The following BRAF variants were observed in gnomAD, a reference collection of about 807,000 sequenced individuals.
The protein encoded by BRAF is serine/threonine-protein kinase B-raf.
BRAF carries 16 observed loss-of-function variants against 104.6 expected under a neutral mutation model. The observed-to-expected ratio is 0.15, with a 90% confidence interval of 0.10 to 0.23. BRAF has a LOEUF of 0.23. Among genes scored for constraint, BRAF ranks in the 10% least tolerant of loss-of-function variants. The probability of loss-of-function intolerance (pLI) is 1.00; values close to 1 mark genes in which losing one functional copy is unlikely to be tolerated. For synonymous variants in BRAF, 310 were observed against 341.6 expected, an observed-to-expected ratio of 0.91 and a Z score of 1.02; for missense variants, 541 against 937.3, an observed-to-expected ratio of 0.58 and a Z score of 5.52.
In BRAF at chr7:140,794,290, G is replaced by A; in HGVS notation, c.1140+18C>T. On this transcript the variant is annotated intron_variant, in intron 8 of 19. Transcript: ENST00000644969. ...CATACTTGGTTTTTTTTTAGTTCTA[G>A]CAATGCTGGATACTTACATCAATAT... 6.2e-7 allele frequency: 1 copy of A among 1,613,132 alleles called. No individual in the cohort carries two copies. The highest frequency in any genetic ancestry group is 8.5e-7 in the Non-Finnish European group (1 of 1,179,620).
At chr7:140,844,247 A>G (rs1305595376) in intron 2 of BRAF, among the ~76,000 whole-genome samples, 1 of 151,440 alleles carries the variant, frequency 6.6e-6, no homozygotes, top group East Asian at 1.9e-4. Flanking sequence ...AAGAAAATTA[A>G]AAAAAAATAA....
intron 14 of BRAF, among the ~76,000 whole-genome samples, chr7:140,772,838 T>C (rs1001182376): frequency 3.3e-5 from 5 of 152,322 alleles, no homozygotes; most frequent in African/African-American, 2.4e-5. Context: ...TTAAACCATA[T>C]AGTGTTTAAC....
intron 1 of BRAF, among the ~76,000 whole-genome samples, chr7:140,856,719 A>C (rs1021533788): frequency 6.6e-6 from 1 of 152,196 alleles, no homozygotes; most frequent in East Asian, 1.9e-4. Flanking sequence ...AAAATGAGTT[A>C]ATCTGGGAGG....
chr7:140,725,234 G>T lies in BRAF; in HGVS notation c.*1260C>A. 1 of 1,044,232 alleles carries T rather than the reference G, an allele frequency of 9.6e-7. No individual in the cohort carries two copies. Among genetic ancestry groups the T allele is most frequent in the African/African-American group, 1.7e-5 (1 of 60,100 alleles). 64.7% of individuals were successfully genotyped at this position (1,044,232 alleles called of 1,614,324 possible). A position where few individuals can be genotyped will look rare whatever the true frequency, so the allele number is the denominator to read the frequency against. On this transcript the variant is annotated 3_prime_UTR_variant, in exon 20 of 20. Coordinates refer to ENST00000644969, the MANE Select transcript of BRAF (RefSeq NM_001374258.1). ...ATATAGTGTTAGGAATCAGTTGGAA[G>T]AAACAATGAGATTATTAGCAAAGAT...
At chr7:140,839,161 C>T (rs1328798074) in intron 2 of BRAF, among the ~76,000 whole-genome samples, 1 of 152,036 alleles carries the variant, frequency 6.6e-6, no homozygotes, top group Non-Finnish European at 1.5e-5. Flanking sequence ...GGGCTACTAC[C>T]TCACAACATA....
At chr7:140,891,797 G>C (rs1334827219) in intron 1 of BRAF, among the ~76,000 whole-genome samples, 2 of 152,030 alleles carry the variant, frequency 1.3e-5, no homozygotes, top group African/African-American at 4.8e-5. Flanking sequence ...TGAAGGAAGA[G>C]AGCATTCTAG....
chr7:140,760,520 G>C (rs1430128104), intron 14 of BRAF, among the ~76,000 whole-genome samples: 1 of 152,094 alleles, frequency 6.6e-6, no homozygotes, highest in African/African-American at 2.4e-5. Context: ...ACTGGACAGT[G>C]AATACCAACA....
downstream of BRAF, among the ~76,000 whole-genome samples, chr7:140,718,712 C>G (rs1795192117): frequency 6.6e-6 from 1 of 152,198 alleles, no homozygotes; most frequent in Non-Finnish European, 1.5e-5. Context: ...GGTTTACTTC[C>G]TTTCTGGAAA....
chr7:140,849,825 T>C (rs1243617496), intron 2 of BRAF, among the ~76,000 whole-genome samples: 1 of 151,118 alleles, frequency 6.6e-6, no homozygotes, highest in Non-Finnish European at 1.5e-5. Context: ...AAAAAATAAA[T>C]AAATAAAATA....
At chr7:140,871,321 G>T (rs1811572370) in intron 1 of BRAF, among the ~76,000 whole-genome samples, 1 of 151,686 alleles carries the variant, frequency 6.6e-6, no homozygotes, top group Admixed American at 6.6e-5. Flanking sequence ...GTGGAAAAGG[G>T]TAATCAGCTT....
At position 140,724,201 on chromosome 7, in the gene BRAF, C is replaced by T. The variant is rs1342264663; in HGVS notation, c.*2293G>A. 3 of 1,056,818 alleles carry T rather than the reference C, an allele frequency of 2.8e-6. No individual in the cohort carries two copies. The highest frequency in any genetic ancestry group is 2.3e-6 in the Non-Finnish European group (2 of 874,082). 65.5% of individuals were successfully genotyped at this position (1,056,818 alleles called of 1,614,324 possible). ...TAAGCTTCCTCCCTAATGGTACCGC[C>T]CCTGCCCCTGCCCCACGGAGGCAGT... is the stretch of plus-strand genomic sequence containing the variant. On this transcript the variant is annotated 3_prime_UTR_variant, in exon 20 of 20. Coordinates refer to ENST00000644969, the MANE Select transcript of BRAF (RefSeq NM_001374258.1).
chr7:140,823,478 G>A (rs1269511102), intron 3 of BRAF: 1 of 138,336 alleles, frequency 7.2e-6, no homozygotes, highest in Admixed American at 6.7e-5. Flanking sequence ...TACTCATGTT[G>A]TAGTATGTGT....
intron 14 of BRAF, among the ~76,000 whole-genome samples, chr7:140,772,316 A>AAC (rs1799932014): frequency 7.0e-6 from 1 of 143,270 alleles, no homozygotes; most frequent in Non-Finnish European, 1.5e-5. Flanking sequence ...ACAACAACAA[A>AAC]GTTCAATCAA....
chr7:140,789,419 C>A (rs1366042781), intron 8 of BRAF, among the ~76,000 whole-genome samples: 1 of 151,906 alleles, frequency 6.6e-6, no homozygotes, highest in Non-Finnish European at 1.5e-5. Flanking sequence ...TGTTTACAGG[C>A]TAAAACAAAG....
intron 1 of BRAF, among the ~76,000 whole-genome samples, chr7:140,897,274 G>C (rs1206915091): frequency 6.6e-6 from 1 of 151,958 alleles, no homozygotes; most frequent in East Asian, 1.9e-4. Flanking sequence ...CGGTCCATGG[G>C]AATCTGGTAG....
intron 1 of BRAF, among the ~76,000 whole-genome samples, chr7:140,908,053 C>CTT (rs1372997924): frequency 6.6e-6 from 1 of 152,150 alleles, no homozygotes; most frequent in Non-Finnish European, 1.5e-5. Flanking sequence ...CCCTAAGTCA[C>CTT]TTTATAAGAG....
intron 12 of BRAF, among the ~76,000 whole-genome samples, chr7:140,778,511 T>G: frequency 6.6e-6 from 1 of 152,202 alleles, no homozygotes; most frequent in East Asian, 1.9e-4. Flanking sequence ...ATCAGAGTAG[T>G]TAACATTTTT....
rs567324471 is a variant in BRAF, at chr7:140,807,289, T to C, written c.711+671A>G. On this transcript the variant is annotated intron_variant, in intron 5 of 19. Transcript: ENST00000644969. ...GTGTGTACAAGTGTGTCAAGATATA[T>C]GCAGAAAGACCTTGTTTAGCCCTGT... Among the ~76,000 whole-genome samples the C allele has an allele frequency of 7.2e-4, 109 of 152,298 alleles. 3 individuals are homozygous for C. In the South Asian group the frequency reaches 0.022, roughly 31 times the overall value.
At chr7:140,805,185 C>A (rs1414811554) in intron 5 of BRAF, among the ~76,000 whole-genome samples, 1 of 152,116 alleles carries the variant, frequency 6.6e-6, no homozygotes, top group Non-Finnish European at 1.5e-5. Flanking sequence ...AAAATTACAT[C>A]CTGATATATA....
Sources: allele counts gnomAD v4.1 joint callset (sites outside exome capture counted in the v4.1 genomes callset), GRCh38; gene constraint gnomAD v4.1.1; transcripts MANE v1.5; gene names NCBI Gene and HGNC (gene_info 2026-07-23, HGNC 2026-07-21).